The following ZFHX3 variants were observed in gnomAD, a reference collection of about 807,000 sequenced individuals.
ZFHX3 encodes zinc finger homeobox protein 3.
A neutral mutation model predicts 279.1 loss-of-function variants in ZFHX3; 42 were observed. The observed-to-expected ratio is 0.15, with a 90% confidence interval of 0.12 to 0.19. The LOEUF (loss-of-function observed/expected upper bound fraction) is 0.19. Among genes scored for constraint, ZFHX3 ranks in the 10% least tolerant of loss-of-function variants. The pLI is 1.00. For synonymous variants in ZFHX3, 2,293 were observed against 1,957.8 expected, an observed-to-expected ratio of 1.17 and a Z score of -4.52; for missense variants, 4,981 against 4,754.0, an observed-to-expected ratio of 1.05 and a Z score of -1.40.
chr16:73,383,108 C>A (rs1446238836), intron 3 of ZFHX3, among the ~76,000 whole-genome samples: 2 of 152,210 alleles, frequency 1.3e-5, no homozygotes, highest in East Asian at 3.9e-4. Flanking sequence ...GGGGGTTGCA[C>A]TGAATAATCT....
chr16:73,268,025 G>C (rs1410457314), intron 4 of ZFHX3, among the ~76,000 whole-genome samples: 1 of 152,188 alleles, frequency 6.6e-6, no homozygotes, highest in African/African-American at 2.4e-5. Context: ...GAAGATTTCA[G>C]AAGATTTGAT....
chr16:73,626,539 G>A (rs1246138920), intron 2 of ZFHX3, among the ~76,000 whole-genome samples: 1 of 152,094 alleles, frequency 6.6e-6, no homozygotes, highest in African/African-American at 2.4e-5. Flanking sequence ...TTTGATCAAT[G>A]ACCTCCAGTA....
chr16:72,854,372 C>T (rs543672654), intron 4 of ZFHX3, among the ~76,000 whole-genome samples: 1 of 152,150 alleles, frequency 6.6e-6, no homozygotes, highest in Non-Finnish European at 1.5e-5. Flanking sequence ...TCTCTCCCTG[C>T]CCTTGATCAA....
At chr16:73,319,510 C>T (rs530404362) in intron 3 of ZFHX3, among the ~76,000 whole-genome samples, 6 of 152,034 alleles carry the variant, frequency 3.9e-5, no homozygotes, top group East Asian at 1.9e-4. Context: ...CAGGCCCAGA[C>T]AGGAGAGTCA....
At chr16:72,913,631 T>G (rs1296488999) in intron 3 of ZFHX3, among the ~76,000 whole-genome samples, 2 of 152,094 alleles carry the variant, frequency 1.3e-5, no homozygotes, top group Non-Finnish European at 2.9e-5. Context: ...CACTTTTCTT[T>G]CTCCAGACTT....
chr16:72,828,190 G>A (rs142698495), intron 5 of ZFHX3, among the ~76,000 whole-genome samples: 8 of 152,122 alleles, frequency 5.3e-5, no homozygotes, highest in South Asian at 2.1e-4. Flanking sequence ...CAACGAATAC[G>A]GACTCCAGAA....
chr16:73,012,693 G>A (rs1178982970), intron 1 of ZFHX3, among the ~76,000 whole-genome samples: 1 of 152,130 alleles, frequency 6.6e-6, no homozygotes, highest in African/African-American at 2.4e-5. Flanking sequence ...TAATTTGATA[G>A]AAGTATTTTC....
intron 5 of ZFHX3, among the ~76,000 whole-genome samples, chr16:73,174,266 AAACAACAACAACAACAACAAC>A (rs140975222): frequency 2.7e-5 from 4 of 149,122 alleles, no homozygotes; most frequent in Non-Finnish European, 5.9e-5. Context: ...TGTTCACACA[AAACAACAACAACAACAACAAC>A]AACAACAACA....
chr16:73,065,596 T>TGC (rs1457840410), intron 8 of ZFHX3, among the ~76,000 whole-genome samples: 1 of 145,762 alleles, frequency 6.9e-6, no homozygotes, highest in Non-Finnish European at 1.5e-5. Flanking sequence ...TGTGTGTGTG[T>TGC]GTGTGTGTGT....
At chr16:73,737,665 T>C (rs1244358696) in intron 1 of ZFHX3, among the ~76,000 whole-genome samples, 3 of 151,974 alleles carry the variant, frequency 2.0e-5, no homozygotes, top group Non-Finnish European at 4.4e-5. Context: ...GTCATTTCAA[T>C]TTACTTCGGG....
At chr16:73,497,060 C>A (rs2019154321) in intron 2 of ZFHX3, among the ~76,000 whole-genome samples, 1 of 152,202 alleles carries the variant, frequency 6.6e-6, no homozygotes, top group South Asian at 2.1e-4. Context: ...TCCTCCCCCG[C>A]CACACCACAC....
At chr16:72,997,207 G>A (rs574815811) in intron 1 of ZFHX3, among the ~76,000 whole-genome samples, 48 of 152,312 alleles carry the variant, frequency 3.2e-4, no homozygotes, top group Non-Finnish European at 5.4e-4. Flanking sequence ...GTCACTGGCG[G>A]GGTAAGATCT....
intron 2 of ZFHX3, among the ~76,000 whole-genome samples, chr16:73,634,078 A>G (rs13332574): frequency 0.14 from 21,693 of 152,040 alleles, 2,109 homozygotes; most frequent in African/African-American, 0.27. Context: ...TATACAAATG[A>G]ACAAAATATA....
At chr16:73,054,018 A>AG (rs1167720815) in intron 1 of ZFHX3, among the ~76,000 whole-genome samples, 2 of 75,890 alleles carry the variant, frequency 2.6e-5, no homozygotes, top group Admixed American at 1.4e-4. Context: ...CCATGGAGGG[A>AG]GGGGGGAGGA....
At chr16:73,542,524 A>T (rs1383836947) in intron 2 of ZFHX3, among the ~76,000 whole-genome samples, 2 of 152,166 alleles carry the variant, frequency 1.3e-5, no homozygotes, top group African/African-American at 4.8e-5. Context: ...CTCATTTTTC[A>T]GTGTCACAAA....
At chr16:73,103,586 C>G (rs1384668814) in intron 7 of ZFHX3, among the ~76,000 whole-genome samples, 1 of 152,194 alleles carries the variant, frequency 6.6e-6, no homozygotes, top group African/African-American at 2.4e-5. Context: ...TATCCAAACT[C>G]CTCTGTGAGT....
intron 2 of ZFHX3, among the ~76,000 whole-genome samples, chr16:73,523,490 G>A (rs1231573949): frequency 6.6e-6 from 1 of 152,056 alleles, no homozygotes; most frequent in East Asian, 1.9e-4. Context: ...TGACATACAT[G>A]GGGGTATGCT....
At chr16:73,292,680 T>C (rs1390068912) in intron 4 of ZFHX3, among the ~76,000 whole-genome samples, 39 of 151,988 alleles carry the variant, frequency 2.6e-4, no homozygotes. Context: ...GTGTGATGTG[T>C]GTGTGTGTGG....
intron 3 of ZFHX3, among the ~76,000 whole-genome samples, chr16:73,336,404 G>A (rs1379026973): frequency 7.8e-6 from 1 of 127,444 alleles, no homozygotes; most frequent in Non-Finnish European, 1.6e-5. Context: ...CACCCTCAGG[G>A]AGGCCCCTGT....
Sources: gnomAD v4.1 joint callset for allele counts (sites outside exome capture counted in the v4.1 genomes callset) on GRCh38, gnomAD v4.1.1 for gene constraint, MANE v1.5 for transcripts, NCBI Gene and HGNC (gene_info 2026-07-23, HGNC 2026-07-21) for gene names.